The following EBF1 variants were observed in gnomAD, a reference collection of about 807,000 sequenced individuals.
The protein encoded by EBF1 is EBF transcription factor 1, also known as transcription factor COE1.
Under a neutral mutation model 68.4 loss-of-function variants are expected in EBF1, and 10 were observed. The observed-to-expected ratio is 0.15, with a 90% CI of 0.09 to 0.25. The LOEUF (loss-of-function observed/expected upper bound fraction) is 0.25. Ranked by LOEUF, EBF1 falls within the 10% of genes least tolerant of loss-of-function variation. The pLI is 1.00. For missense variants in EBF1, 509 were observed against 794.4 expected (o/e 0.64, Z 4.32); for synonymous variants, 298 against 299.8 (o/e 0.99, Z 0.06).
chr5:158,943,191 GCAAA>G (rs368157490), intron 6 of EBF1, among the ~76,000 whole-genome samples: 181 of 152,270 alleles, frequency 1.2e-3, no homozygotes, highest in African/African-American at 4.3e-3. Context: ...TCACATTAAT[GCAAA>G]CAGAGGCCAG....
intron 6 of EBF1, among the ~76,000 whole-genome samples, chr5:158,898,679 C>T (rs1402100698): frequency 3.3e-5 from 5 of 152,220 alleles, no homozygotes; most frequent in Non-Finnish European, 7.3e-5. Context: ...TAGTACTGCA[C>T]TCAGTGTGGC....
chr5:158,831,033 G>A (rs1429984418), intron 7 of EBF1, among the ~76,000 whole-genome samples: 4 of 152,130 alleles, frequency 2.6e-5, no homozygotes, highest in African/African-American at 9.7e-5. Context: ...TCTCCTGAAC[G>A]GTGACATATG....
chr5:158,893,836 A>G (rs765122678), intron 6 of EBF1, among the ~76,000 whole-genome samples: 58 of 152,302 alleles, frequency 3.8e-4, no homozygotes, highest in Middle Eastern at 3.4e-3. Flanking sequence ...CAGTCCAGTC[A>G]GGGCAAGCAA....
chr5:158,904,918 T>C (rs1243139192), intron 6 of EBF1, among the ~76,000 whole-genome samples: 1 of 152,192 alleles, frequency 6.6e-6, no homozygotes, highest in Non-Finnish European at 1.5e-5. Context: ...GACAACAATG[T>C]GCCCTACTAC....
At chr5:159,068,418 G>C (rs929946061) in intron 6 of EBF1, among the ~76,000 whole-genome samples, 1 of 151,994 alleles carries the variant, frequency 6.6e-6, no homozygotes, top group Non-Finnish European at 1.5e-5. Context: ...TGGTTAGATA[G>C]ATAGATCTCT....
At chr5:158,758,136 AT>A (rs1770545704) in intron 10 of EBF1, among the ~76,000 whole-genome samples, 1 of 152,208 alleles carries the variant, frequency 6.6e-6, no homozygotes, top group South Asian at 2.1e-4. Flanking sequence ...TTTCTCCATT[AT>A]TGAGGTAAGA....
intron 6 of EBF1, among the ~76,000 whole-genome samples, chr5:159,062,480 T>C (rs1355590327): frequency 6.7e-6 from 1 of 149,808 alleles, no homozygotes; most frequent in Non-Finnish European, 1.5e-5. Flanking sequence ...GACAGGAAGA[T>C]TGGGGAGGGG....
chr5:158,754,444 C>T lies in EBF1; in HGVS notation c.1036+22969G>A, dbSNP rs146377513. 3.3e-5 allele frequency among the ~76,000 whole-genome samples: 5 copies of T among 152,186 alleles called. No individual in the cohort carries two copies. In the East Asian group the frequency reaches 7.7e-4, roughly 24 times the overall value. On this transcript the variant is annotated intron_variant, in intron 10 of 15. Coordinates refer to ENST00000313708, the MANE Select transcript of EBF1 (RefSeq NM_024007.5). ...AACTGACAGTGCAGCCTGATCGCCA[C>T]GATGTTGCAATAGAAGGAAAGAATT...
At chr5:158,841,892 C>T (rs1790402095) in intron 6 of EBF1, among the ~76,000 whole-genome samples, 1 of 152,180 alleles carries the variant, frequency 6.6e-6, no homozygotes, top group Non-Finnish European at 1.5e-5. Flanking sequence ...GACTGTTTAA[C>T]ACCACACAAC....
intron 6 of EBF1, among the ~76,000 whole-genome samples, chr5:158,963,685 C>G (rs375244608): frequency 6.6e-6 from 1 of 152,100 alleles, no homozygotes; most frequent in East Asian, 1.9e-4. Context: ...GATATTAAAT[C>G]GAAACATTTA....
intron 6 of EBF1, among the ~76,000 whole-genome samples, chr5:158,918,725 G>A (rs1359310407): frequency 6.6e-6 from 1 of 152,188 alleles, no homozygotes; most frequent in East Asian, 1.9e-4. Context: ...CATCTCTGGA[G>A]AGAATGGACT....
chr5:158,824,288 C>T (rs184847591), intron 7 of EBF1, among the ~76,000 whole-genome samples: 143 of 152,318 alleles, frequency 9.4e-4, no homozygotes, highest in Admixed American at 1.8e-3. Flanking sequence ...TAACTTTGCT[C>T]GACAGTTTAT....
intron 6 of EBF1, among the ~76,000 whole-genome samples, chr5:159,025,432 G>C (rs943010954): frequency 6.6e-6 from 1 of 152,242 alleles, no homozygotes; most frequent in African/African-American, 2.4e-5. Flanking sequence ...ACTACTGCCT[G>C]AGTACATGAG....
intron 6 of EBF1, among the ~76,000 whole-genome samples, chr5:159,052,602 G>C (rs926278956): frequency 1.3e-5 from 2 of 152,168 alleles, no homozygotes; most frequent in Admixed American, 1.3e-4. Flanking sequence ...GCTCTCAGAG[G>C]AATTGTCCTG....
intron 10 of EBF1, among the ~76,000 whole-genome samples, chr5:158,769,310 T>A (rs1773417927): frequency 6.6e-6 from 1 of 152,182 alleles, no homozygotes; most frequent in South Asian, 2.1e-4. Context: ...TCTCCCGGCC[T>A]TATCACTTAT....
At chr5:158,787,903 CTAAATA>C (rs1421555161) in intron 9 of EBF1, among the ~76,000 whole-genome samples, 1 of 152,162 alleles carries the variant, frequency 6.6e-6, no homozygotes, top group African/African-American at 2.4e-5. Flanking sequence ...ACAATTATAT[CTAAATA>C]TAAACTACCT....
At chr5:159,045,558 GA>G (rs1772207915) in intron 6 of EBF1, among the ~76,000 whole-genome samples, 1 of 152,146 alleles carries the variant, frequency 6.6e-6, no homozygotes. Context: ...GGACCAGGGT[GA>G]GGGGTGCTTC....
At chr5:159,068,736 A>G (rs1584399371) in intron 6 of EBF1, among the ~76,000 whole-genome samples, 2 of 152,166 alleles carry the variant, frequency 1.3e-5, no homozygotes, top group Non-Finnish European at 1.5e-5. Flanking sequence ...AGATAATCAT[A>G]AAACAAACCC....
In EBF1 at chr5:158,828,086, A is replaced by G. The variant is rs567886380; in HGVS notation, c.637-4769T>C. ...TGTTTTTTGCTTGTTGTACTTTTGC[A>G]TTAATTTAGGGCCCCTAATCACAAA... On this transcript the variant is annotated intron_variant, in intron 7 of 15. Transcript: ENST00000313708. Among the ~76,000 whole-genome samples the G allele has an allele frequency of 7.2e-5, 11 of 152,258 alleles. No individual in the cohort carries two copies. In the South Asian group the frequency reaches 2.1e-3, roughly 29 times the overall value.
Sources: gnomAD v4.1 joint callset for allele counts (sites outside exome capture counted in the v4.1 genomes callset) on GRCh38, gnomAD v4.1.1 for gene constraint, MANE v1.5 for transcripts, NCBI Gene and HGNC (gene_info 2026-07-23, HGNC 2026-07-21) for gene names.